Variants in RTN3 observed in about 807,000 individuals in gnomAD.
RTN3 encodes the protein reticulon-3.
A neutral mutation model predicts 77.8 loss-of-function variants in RTN3; 49 were observed. The ratio of observed to expected loss-of-function variants is 0.63; its 90% CI spans 0.50 to 0.80. The LOEUF is 0.80. Among genes scored for constraint, RTN3 ranks in the 30% least tolerant of loss-of-function variants. RTN3 has a pLI of 0.00. For synonymous variants in RTN3, 464 were observed against 446.9 expected, an observed-to-expected ratio of 1.04 and a Z score of -0.48; for missense variants, 1,236 against 1,211.9, an observed-to-expected ratio of 1.02 and a Z score of -0.29.
At chr11:63,751,004 T>C (rs1210551242) in intron 4 of RTN3, among the ~76,000 whole-genome samples, 2 of 151,740 alleles carry the variant, frequency 1.3e-5, no homozygotes, top group African/African-American at 4.8e-5. Flanking sequence ...AGTGCTGGGA[T>C]TACAGGCGTG....
At position 63,719,499 on chromosome 11, in the gene RTN3, C is replaced by CAT. The variant is rs1369247680; in HGVS notation, c.999_1000dup (p.Asn334IlefsTer8). On this transcript the variant is annotated frameshift_variant, in exon 3 of 9. Transcript: ENST00000377819. LOFTEE classifies it high-confidence loss of function. ...GGTGTCCAGATGCGTGAATGATATG[C>CAT]ATAACTTTACTAACGAAATACTGAC... The CAT allele has an allele frequency of 6.2e-7, 1 of 1,614,038 alleles. No individual in the cohort carries two copies. Among genetic ancestry groups the CAT allele is most frequent in the East Asian group, 2.2e-5 (1 of 44,892 alleles).
intron 1 of RTN3, among the ~76,000 whole-genome samples, chr11:63,688,980 T>A (rs12279513): frequency 0.012 from 1,800 of 152,288 alleles, 40 homozygotes; most frequent in African/African-American, 0.041. Context: ...ATTTTTGTAA[T>A]TCTGAACAGA....
intron 1 of RTN3, among the ~76,000 whole-genome samples, chr11:63,688,604 T>C (rs1941496849): frequency 6.6e-6 from 1 of 152,138 alleles, no homozygotes; most frequent in South Asian, 2.1e-4. Flanking sequence ...AAACAACCAA[T>C]CTACATACAT....
intron 1 of RTN3, among the ~76,000 whole-genome samples, chr11:63,699,773 G>A (rs1194978561): frequency 6.6e-6 from 1 of 152,152 alleles, no homozygotes; most frequent in African/African-American, 2.4e-5. Flanking sequence ...CATAGTGGCT[G>A]TCTCTGCTGC....
chr11:63,741,201 A>ATTTTT (rs1170616532), intron 3 of RTN3, among the ~76,000 whole-genome samples: 1 of 138,828 alleles, frequency 7.2e-6, no homozygotes, highest in African/African-American at 2.7e-5. Flanking sequence ...TTATTTATTT[A>ATTTTT]TTTATTTATT....
chr11:63,706,115 T>A (rs1274498724), intron 2 of RTN3, among the ~76,000 whole-genome samples: 6 of 152,188 alleles, frequency 3.9e-5, no homozygotes, highest in Admixed American at 1.3e-4. Flanking sequence ...TTTAAAAAAA[T>A]TAGTAAAACT....
At chr11:63,747,663 A>G (rs553926032) in intron 3 of RTN3, among the ~76,000 whole-genome samples, 11 of 152,352 alleles carry the variant, frequency 7.2e-5, no homozygotes, top group Admixed American at 7.2e-4. Flanking sequence ...AGAGAGCTGT[A>G]TAGCTGAATG....
rs375759771 is a variant in RTN3 at position 63,717,548 on chromosome 11, C to T, written c.200-1154C>T. On this transcript the variant is annotated intron_variant, in intron 2 of 8. Coordinates refer to ENST00000377819, the MANE Select transcript of RTN3 (RefSeq NM_001265589.2). ...AATTACAGGTGCCTGCCACCACGCC[C>T]GGCTAATTTTTTTGTATCTTTAGTA... is the stretch of plus-strand genomic sequence containing the variant. 2.6e-4 allele frequency among the ~76,000 whole-genome samples: 39 copies of T among 151,512 alleles called. No individual in the cohort carries two copies. In the East Asian group the frequency reaches 6.1e-3, roughly 24 times the overall value.
intron 3 of RTN3, among the ~76,000 whole-genome samples, chr11:63,735,941 C>T (rs1377765456): frequency 2.0e-5 from 3 of 152,046 alleles, no homozygotes; most frequent in South Asian, 2.1e-4. Flanking sequence ...ATGGTACTGA[C>T]GAGTCTACAA....
intron 2 of RTN3, among the ~76,000 whole-genome samples, chr11:63,706,728 GA>G (rs1396672723): frequency 6.6e-6 from 1 of 151,734 alleles, no homozygotes; most frequent in African/African-American, 2.4e-5. Context: ...TATTTTTAAG[GA>G]TTTTTTTTTC....
In RTN3 at chr11:63,754,643, T is replaced by C. The variant is rs1590895396; in HGVS notation, c.2994+935T>C. 3.0e-5 allele frequency among the ~76,000 whole-genome samples: 4 copies of C among 133,472 alleles called. No individual in the cohort carries two copies. In the South Asian group the frequency reaches 9.4e-4, roughly 31 times the overall value. The allele number at this position is 133,472 out of a possible 152,430, so 87.6% of individuals were successfully genotyped here. ...TGAACCTGGGAGGTGGAGGTTGCAG[T>C]GAGCCGAGATTGCACCACTGCACTC... On this transcript the variant is annotated intron_variant, in intron 7 of 8. Coordinates refer to ENST00000377819, the MANE Select transcript of RTN3 (RefSeq NM_001265589.2).
intron 1 of RTN3, among the ~76,000 whole-genome samples, chr11:63,689,398 G>A (rs1377563385): frequency 6.6e-6 from 1 of 152,214 alleles, no homozygotes; most frequent in Non-Finnish European, 1.5e-5. Context: ...TGAAAGAAGT[G>A]TGTGTGTTAA....
chr11:63,681,903 C>A, intron 1 of RTN3, 125 bp downstream of exon 1: 2 of 1,038,550 alleles, frequency 1.9e-6, no homozygotes, highest in Non-Finnish European at 2.7e-6. Flanking sequence ...TTCAGCCCCC[C>A]GGGGACGAGC....
At chr11:63,727,812 C>G (rs929703318) in intron 3 of RTN3, among the ~76,000 whole-genome samples, 26 of 151,918 alleles carry the variant, frequency 1.7e-4, no homozygotes, top group African/African-American at 6.3e-4. Context: ...GGAGTCCTAG[C>G]AGGAGAGGAA....
intron 2 of RTN3, among the ~76,000 whole-genome samples, chr11:63,712,799 T>C (rs2011198489): frequency 6.6e-6 from 1 of 152,154 alleles, no homozygotes; most frequent in Admixed American, 6.5e-5. Flanking sequence ...TCGAATTTTT[T>C]AATAAGAATT....
At chr11:63,686,614 C>T (rs1941389379) in intron 1 of RTN3, among the ~76,000 whole-genome samples, 1 of 152,102 alleles carries the variant, frequency 6.6e-6, no homozygotes, top group Non-Finnish European at 1.5e-5. Context: ...TGCTTGAGCT[C>T]ACGAGTTTGA....
At chr11:63,731,174 G>A (rs769252762) in intron 3 of RTN3, among the ~76,000 whole-genome samples, 8 of 151,906 alleles carry the variant, frequency 5.3e-5, no homozygotes, top group African/African-American at 1.2e-4. Context: ...TCTGCCTCCC[G>A]GGTTCAAATG....
chr11:63,720,455 A>G lies in RTN3; in HGVS notation c.1953A>G (p.Pro651=). ...TTAAACATATAGATGATTCCTCCCCAGAGGACCTGATAGCAGCCTTTACAG... is the reference window on the plus strand; with the variant it reads ...TTAAACATATAGATGATTCCTCCCCGGAGGACCTGATAGCAGCCTTTACAG... ...KNVKHIDDSS[P]EDLIAAFTET... is the part of the protein sequence containing the mutation. Residue 651 remains proline, a synonymous_variant, in exon 3 of 9, where the codon CCA becomes CCG. Coordinates refer to ENST00000377819, the MANE Select transcript of RTN3 (RefSeq NM_001265589.2). The G allele has an allele frequency of 6.2e-7, 1 of 1,613,208 alleles. No individual in the cohort carries two copies. Among genetic ancestry groups the G allele is most frequent in the Non-Finnish European group, 8.5e-7 (1 of 1,179,482 alleles).
intron 3 of RTN3, among the ~76,000 whole-genome samples, chr11:63,735,123 G>A (rs2013000221): frequency 6.6e-6 from 1 of 151,998 alleles, no homozygotes; most frequent in African/African-American, 2.4e-5. Context: ...GCCTCTAGCT[G>A]AGACTGCAAG....
Sources: gnomAD v4.1 joint callset for allele counts (sites outside exome capture counted in the v4.1 genomes callset) on GRCh38, gnomAD v4.1.1 for gene constraint, MANE v1.5 for transcripts, NCBI Gene and HGNC (gene_info 2026-07-23, HGNC 2026-07-21) for gene names.